CEP192: variants seen among roughly 807,000 people sequenced by gnomAD.
CEP192 encodes the protein centrosomal protein 192, also known as centrosomal protein of 192 kDa.
CEP192 carries 151 observed loss-of-function variants against 271.8 expected under a neutral mutation model. The observed-to-expected ratio is 0.56, with a 90% CI of 0.49 to 0.64. The LOEUF (loss-of-function observed/expected upper bound fraction) is 0.64. Among genes scored for constraint, CEP192 ranks in the 30% least tolerant of loss-of-function variants. The probability of loss-of-function intolerance (pLI) is 0.00; values close to 1 mark genes in which losing one functional copy is unlikely to be tolerated. For synonymous variants in CEP192, 995 were observed against 1,076.5 expected (o/e 0.92, Z 1.48); for missense variants, 2,910 against 3,020.5 (o/e 0.96, Z 0.86).
chr18:13,096,374 AAAT>A (rs2039400496), intron 36 of CEP192, 67 bp downstream of exon 36: 1 of 1,573,880 alleles, frequency 6.4e-7, no homozygotes, highest in Non-Finnish European at 8.7e-7. Context: ...TCTAAAGATC[AAAT>A]AATATGTCAT....
At chr18:13,063,909 C>T (rs1362965737) in intron 21 of CEP192, among the ~76,000 whole-genome samples, 1 of 151,630 alleles carries the variant, frequency 6.6e-6, no homozygotes, top group East Asian at 1.9e-4. Flanking sequence ...CAACCTCTGC[C>T]TCCCGGGTTC....
At chr18:13,113,552 G>A in intron 40 of CEP192, 34 bp from the exon 41 acceptor site, 1 of 1,605,866 alleles carries the variant, frequency 6.2e-7, no homozygotes, top group Non-Finnish European at 8.5e-7. Flanking sequence ...TTAATGATCA[G>A]TGTCTAAATT....
At chr18:13,091,375 A>G (rs1220763706) in intron 33 of CEP192, among the ~76,000 whole-genome samples, 1 of 152,166 alleles carries the variant, frequency 6.6e-6, no homozygotes, top group Non-Finnish European at 1.5e-5. Context: ...TTTCACCTCA[A>G]GGAATACTAT....
chr18:13,116,811 G>A (rs1311944560), intron 43 of CEP192, among the ~76,000 whole-genome samples: 1 of 152,036 alleles, frequency 6.6e-6, no homozygotes, highest in East Asian at 1.9e-4. Context: ...GGGTTTCACC[G>A]TGTTAGCCAG....
intron 44 of CEP192, among the ~76,000 whole-genome samples, chr18:13,123,302 A>G (rs930208291): frequency 3.2e-4 from 48 of 152,208 alleles, no homozygotes; most frequent in African/African-American, 1.1e-3. Flanking sequence ...AATGTAATGC[A>G]TTTGGGGAAA....
At chr18:13,066,342 G>A (rs1296899434) in intron 21 of CEP192, among the ~76,000 whole-genome samples, 1 of 152,112 alleles carries the variant, frequency 6.6e-6, no homozygotes, top group East Asian at 1.9e-4. Context: ...TTACTTCAAA[G>A]TTTATTTCAT....
In CEP192 at chr18:13,049,774, A is replaced by T; in HGVS notation, c.2900A>T (p.Asn967Ile). The change falls in exon 17 of 45, where the codon AAT (asparagine) becomes ATT (isoleucine). Residue 967 changes from asparagine to isoleucine, a missense_variant. Transcript: ENST00000506447. ...TACCCCTTTCTGATAGATTTGAAAA[A>T]TACCTCTCCTGAGCATGGTGGACGT... ...IVSPKNSDLK[N>I]TSPEHGGRGS... is the part of the protein sequence containing the mutation. 3.7e-6 allele frequency: 6 copies of T among 1,611,082 alleles called. No homozygotes were observed. The highest frequency in any genetic ancestry group is 5.1e-6 in the Non-Finnish European group (6 of 1,179,060).
In CEP192 at chr18:13,111,780, A is replaced by G. The variant is rs1426585016; in HGVS notation, c.7048-1806A>G. 3.3e-5 allele frequency among the ~76,000 whole-genome samples: 5 copies of G among 152,382 alleles called. No homozygotes were observed. The East Asian group carries it at 9.6e-4, about 29-fold the overall frequency. Reference sequence around the variant, plus strand: ...AAAGAACTCTTACAACCCAGTAAAAAGAAATGGCCCAATTTTTTAAGTGAG... The same window carrying G: ...AAAGAACTCTTACAACCCAGTAAAAGGAAATGGCCCAATTTTTTAAGTGAG... On this transcript the variant is annotated intron_variant, in intron 40 of 44. Transcript: ENST00000506447.
At chr18:13,123,337 A>T (rs2040761242) in intron 44 of CEP192, among the ~76,000 whole-genome samples, 1 of 152,242 alleles carries the variant, frequency 6.6e-6, no homozygotes, top group African/African-American at 2.4e-5. Flanking sequence ...AAATAAAAAC[A>T]TATAGAGATA....
chr18:13,117,454 G>C (rs772384461), intron 43 of CEP192, 131 bp from the exon 44 acceptor site: 33 of 611,902 alleles, frequency 5.4e-5, no homozygotes, highest in Middle Eastern at 3.9e-4. Context: ...AGCATTTATT[G>C]TACTACCTAA....
chr18:13,092,613 A>G (rs1348709732), intron 34 of CEP192, 86 bp downstream of exon 34: 2 of 911,584 alleles, frequency 2.2e-6, no homozygotes, highest in Non-Finnish European at 3.3e-6. Flanking sequence ...GTACTTCACT[A>G]TTATTATTAT....
At chr18:13,080,703 C>T (rs967575749) in intron 30 of CEP192, among the ~76,000 whole-genome samples, 1 of 152,172 alleles carries the variant, frequency 6.6e-6, no homozygotes, top group African/African-American at 2.4e-5. Context: ...AGAGGGCATC[C>T]CTGTCTTGTG....
chr18:13,076,612 G>C (rs1471716164), intron 30 of CEP192, among the ~76,000 whole-genome samples: 1 of 152,248 alleles, frequency 6.6e-6, no homozygotes, highest in African/African-American at 2.4e-5. Context: ...TGTTTTCAAA[G>C]GTACCTTTTC....
intron 4 of CEP192, among the ~76,000 whole-genome samples, chr18:13,009,814 C>T (rs2034224689): frequency 6.6e-6 from 1 of 152,150 alleles, no homozygotes; most frequent in Admixed American, 6.5e-5. Context: ...GCCTGGGTGA[C>T]AGTGTAAGCC....
intron 20 of CEP192, 200 bp from the exon 21 acceptor site, chr18:13,058,882 A>AG: frequency 1.7e-6 from 1 of 573,916 alleles, no homozygotes; most frequent in Non-Finnish European, 3.1e-6. Context: ...TTGGTGCAGC[A>AG]AGAACATTCA....
At chr18:13,069,672 A>G in intron 26 of CEP192, 66 bp from the exon 27 acceptor site, 1 of 850,458 alleles carries the variant, frequency 1.2e-6, no homozygotes, top group Admixed American at 1.9e-5. Context: ...GTAAGGCAGG[A>G]GCCACTGAGC....
At chr18:13,071,877 T>C (rs2038032190) in intron 28 of CEP192, among the ~76,000 whole-genome samples, 1 of 152,238 alleles carries the variant, frequency 6.6e-6, no homozygotes, top group East Asian at 1.9e-4. Flanking sequence ...ACTGATGATA[T>C]GACTCTATGG....
In CEP192 at chr18:13,070,994, AGAATT is replaced by A. The variant is rs747212853; in HGVS notation, c.5175-40_5175-36del. Reference sequence around the variant, plus strand: ...AAACATATAGGAAATAGTTGCGAAAAGAATTGAATACAGGACCTTCAACTTAGAAT... The same window carrying A: ...AAACATATAGGAAATAGTTGCGAAAAGAATACAGGACCTTCAACTTAGAAT... On this transcript the variant is annotated intron_variant, in intron 27 of 44. Transcript: ENST00000506447. 4.2e-5 allele frequency: 64 copies of A among 1,523,248 alleles called. No individual in the cohort carries two copies. In the East Asian group the frequency reaches 7.9e-4, roughly 19 times the overall value. 94.4% of individuals were successfully genotyped at this position (1,523,248 alleles called of 1,614,324 possible). A position where few individuals can be genotyped will look rare whatever the true frequency, so the allele number is the denominator to read the frequency against.
Position 13,096,216 on chromosome 18 carries a change from G to C in CEP192, c.6466G>C (p.Val2156Leu). 1.9e-6 allele frequency: 3 copies of C among 1,614,124 alleles called. No homozygotes were observed. Among genetic ancestry groups the C allele is most frequent in the Non-Finnish European group, 2.5e-6 (3 of 1,179,966 alleles). Residue 2156 changes from valine (V) to leucine (L), a missense_variant, in exon 36 of 45, where the codon GTG becomes CTG. Coordinates refer to ENST00000506447, the MANE Select transcript of CEP192 (RefSeq NM_032142.4). ...GGCAAAAACTGGACGTTTCCAGATT[G>C]TGAATAACTCTGTGAGGTTACTGAG... ...DMAKTGRFQI[V>L]NNSVRLLRFE... is the part of the protein sequence containing the mutation.
Sources: gnomAD v4.1 joint callset for allele counts (sites outside exome capture counted in the v4.1 genomes callset) on GRCh38, gnomAD v4.1.1 for gene constraint, MANE v1.5 for transcripts, NCBI Gene and HGNC (gene_info 2026-07-23, HGNC 2026-07-21) for gene names.